RORB: variants seen among roughly 807,000 people sequenced by gnomAD.
The protein encoded by RORB is RAR related orphan receptor B.
RORB carries 6 observed loss-of-function variants against 59.1 expected under a neutral mutation model. That is an observed-to-expected ratio of 0.10 (90% CI 0.06 to 0.20). The LOEUF is 0.20. RORB is among the 10% of genes least tolerant of loss of function. The pLI is 1.00. For synonymous variants in RORB, 215 were observed against 204.5 expected, an observed-to-expected ratio of 1.05 and a Z score of -0.44; for missense variants, 320 against 560.5, an observed-to-expected ratio of 0.57 and a Z score of 4.33.
At chr9:74,546,935 A>G (rs1002869985) in intron 1 of RORB, among the ~76,000 whole-genome samples, 1 of 152,164 alleles carries the variant, frequency 6.6e-6, no homozygotes, top group African/African-American at 2.4e-5. Flanking sequence ...TCTACTAAAA[A>G]TACAAAAAAT....
chr9:74,627,650 C>T (rs949653224), intron 1 of RORB, among the ~76,000 whole-genome samples: 3 of 152,084 alleles, frequency 2.0e-5, no homozygotes, highest in East Asian at 3.8e-4. Context: ...ATTCTCCCCA[C>T]GTGTAAGCTA....
At chr9:74,558,762 G>A (rs1030127981) in intron 1 of RORB, among the ~76,000 whole-genome samples, 21 of 151,836 alleles carry the variant, frequency 1.4e-4, no homozygotes, top group South Asian at 2.1e-4. Flanking sequence ...AAGAGATAGA[G>A]GGAGAAACAA....
intron 1 of RORB, among the ~76,000 whole-genome samples, chr9:74,602,196 C>T (rs1823069685): frequency 1.3e-5 from 2 of 152,160 alleles, no homozygotes. Flanking sequence ...ATGTCTTCCA[C>T]GATGACCTTT....
At chr9:74,622,519 A>ATTTTTTTTTTTTTTT in intron 1 of RORB, among the ~76,000 whole-genome samples, 1 of 74,142 alleles carries the variant, frequency 1.3e-5, no homozygotes, top group Non-Finnish European at 2.3e-5. Flanking sequence ...TACAACCCAG[A>ATTTTTTTTTTTTTTT]TTTTTTTTTT....
At position 74,591,612 on chromosome 9, in the gene RORB, G is replaced by A. The variant is rs1237561001; in HGVS notation, c.8-38670G>A. Among the ~76,000 whole-genome samples, 4 of 152,174 alleles carry A rather than the reference G, an allele frequency of 2.6e-5. No individual in the cohort carries two copies. The East Asian group carries it at 5.8e-4, about 22-fold the overall frequency. ...TGATTATTTATTTTACTGCCCTAGT[G>A]TGATATGATTGAGATAATAAGTAGA... On this transcript the variant is annotated intron_variant, in intron 1 of 9. Coordinates refer to ENST00000376896, the MANE Select transcript of RORB (RefSeq NM_006914.4).
At chr9:74,661,372 A>G (rs1285033969) in intron 5 of RORB, among the ~76,000 whole-genome samples, 2 of 152,208 alleles carry the variant, frequency 1.3e-5, no homozygotes, top group African/African-American at 2.4e-5. Context: ...AATAAAATAT[A>G]TAAATGTGTG....
At chr9:74,566,410 A>G (rs192461758) in intron 1 of RORB, among the ~76,000 whole-genome samples, 2 of 151,536 alleles carry the variant, frequency 1.3e-5, no homozygotes, top group Admixed American at 6.6e-5. Flanking sequence ...TAGTTGTATT[A>G]GTTGTATTAT....
chr9:74,582,461 A>G (rs1355430739), intron 1 of RORB, among the ~76,000 whole-genome samples: 1 of 152,220 alleles, frequency 6.6e-6, no homozygotes, highest in Non-Finnish European at 1.5e-5. Flanking sequence ...CAAAAATGTG[A>G]GCAAATTATT....
At chr9:74,635,309 G>C (rs534231928) in intron 3 of RORB, among the ~76,000 whole-genome samples, 2 of 152,302 alleles carry the variant, frequency 1.3e-5, no homozygotes, top group African/African-American at 4.8e-5. Context: ...AAAGGCTAGA[G>C]CGAAGTCCAA....
intron 1 of RORB, among the ~76,000 whole-genome samples, chr9:74,572,806 T>G (rs1184343909): frequency 3.3e-5 from 5 of 152,204 alleles, no homozygotes; most frequent in Admixed American, 6.5e-5. Flanking sequence ...CATGACAATA[T>G]AAGTTAAAAC....
At chr9:74,521,266 A>C (rs886477315) in intron 1 of RORB, among the ~76,000 whole-genome samples, 4 of 151,910 alleles carry the variant, frequency 2.6e-5, no homozygotes, top group Admixed American at 2.6e-4. Context: ...AAAAATAACC[A>C]CATGTATATT....
rs190039280 is a variant in RORB, at chr9:74,516,444, T to C, written c.7+18461T>C. On this transcript the variant is annotated intron_variant, in intron 1 of 9. Coordinates refer to ENST00000376896, the MANE Select transcript of RORB (RefSeq NM_006914.4). Reference sequence around the variant, plus strand: ...AGAGTTCTCACTGGGAAGCAGAGATTTGGTTATTAGAAGAAAGAATTGAGA... The same window carrying C: ...AGAGTTCTCACTGGGAAGCAGAGATCTGGTTATTAGAAGAAAGAATTGAGA... 4.1e-3 allele frequency among the ~76,000 whole-genome samples: 626 copies of C among 152,084 alleles called. 2 individuals carry two copies. Among genetic ancestry groups the C allele is most frequent in the Non-Finnish European group, 6.6e-3 (450 of 67,954 alleles).
chr9:74,608,328 G>T (rs1041151604), intron 1 of RORB, among the ~76,000 whole-genome samples: 6 of 152,092 alleles, frequency 3.9e-5, no homozygotes, highest in African/African-American at 1.4e-4. Flanking sequence ...CACTTTGGGA[G>T]GCCGAGGCGG....
chr9:74,524,382 A>G (rs1264035411), intron 1 of RORB, among the ~76,000 whole-genome samples: 3 of 151,930 alleles, frequency 2.0e-5, no homozygotes, highest in Admixed American at 2.0e-4. Flanking sequence ...GATTGATACT[A>G]CAGCAGAGTC....
At chr9:74,656,890 C>T (rs1369987969) in intron 4 of RORB, among the ~76,000 whole-genome samples, 1 of 152,176 alleles carries the variant, frequency 6.6e-6, no homozygotes, top group East Asian at 1.9e-4. Flanking sequence ...ACTCAGACAT[C>T]CCTACTTCAG....
At chr9:74,666,388 G>A (rs912485821) in intron 7 of RORB, among the ~76,000 whole-genome samples, 3 of 151,960 alleles carry the variant, frequency 2.0e-5, no homozygotes, top group Admixed American at 6.6e-5. Flanking sequence ...TTGACCCTGG[G>A]AGATTGAGGC....
intron 9 of RORB, among the ~76,000 whole-genome samples, chr9:74,672,310 A>C (rs1417098884): frequency 6.6e-6 from 1 of 152,214 alleles, no homozygotes; most frequent in African/African-American, 2.4e-5. Context: ...AAGAACAATC[A>C]AATGATGAGA....
intron 1 of RORB, among the ~76,000 whole-genome samples, chr9:74,515,159 T>C (rs1296519372): frequency 6.6e-6 from 1 of 151,126 alleles, no homozygotes; most frequent in Non-Finnish European, 1.5e-5. Flanking sequence ...TTCAACAAAC[T>C]AACACCATTA....
At chr9:74,577,317 G>A (rs1251873397) in intron 1 of RORB, among the ~76,000 whole-genome samples, 1 of 151,810 alleles carries the variant, frequency 6.6e-6, no homozygotes, top group African/African-American at 2.4e-5. Context: ...TCTTTCCTTT[G>A]GCTTCCAAAT....
Sources: allele counts gnomAD v4.1 joint callset (sites outside exome capture counted in the v4.1 genomes callset), GRCh38; gene constraint gnomAD v4.1.1; transcripts MANE v1.5; gene names NCBI Gene and HGNC (gene_info 2026-07-23, HGNC 2026-07-21).